FBXL12: variants seen among roughly 807,000 people sequenced by gnomAD.
FBXL12 encodes the protein F-box and leucine rich repeat protein 12.
A neutral mutation model predicts 24.9 loss-of-function variants in FBXL12; 22 were observed. The observed-to-expected ratio is 0.88, with a 90% CI of 0.63 to 1.26. FBXL12 has a LOEUF of 1.26. FBXL12 is among the 50% of genes most tolerant of loss of function. FBXL12 has a pLI of 0.00. For missense variants in FBXL12, 384 were observed against 434.1 expected (o/e 0.88, Z 1.03); for synonymous variants, 193 against 193.8 (o/e 1.00, Z 0.03).
chr19:9,813,613 T>C (rs2045811663), intron 2 of FBXL12, among the ~76,000 whole-genome samples: 1 of 152,018 alleles, frequency 6.6e-6, no homozygotes, highest in Non-Finnish European at 1.5e-5. Flanking sequence ...GCAATTCTCC[T>C]GCTTCAGCCT....
intron 2 of FBXL12, chr19:9,818,178 A>G: frequency 2.4e-6 from 1 of 418,282 alleles, no homozygotes; most frequent in Non-Finnish European, 4.2e-6. Flanking sequence ...CTCCAGCCTG[A>G]GCAGCAGAGC....
intron 2 of FBXL12, chr19:9,813,301 T>G: frequency 8.3e-7 from 1 of 1,202,342 alleles, no homozygotes; most frequent in Non-Finnish European, 1.0e-6. Flanking sequence ...AATTGTCTAA[T>G]AACATATTCT....
intron 2 of FBXL12, among the ~76,000 whole-genome samples, chr19:9,816,161 G>A (rs1470991611): frequency 6.6e-6 from 1 of 152,138 alleles, no homozygotes; most frequent in Non-Finnish European, 1.5e-5. Context: ...TTTTCCTCCT[G>A]GGCTTCCAGG....
At chr19:9,816,059 C>T (rs1468938985) in intron 2 of FBXL12, among the ~76,000 whole-genome samples, 2 of 152,144 alleles carry the variant, frequency 1.3e-5, no homozygotes, top group African/African-American at 4.8e-5. Flanking sequence ...ATACGTTGGC[C>T]CCTTTCAGCT....
At chr19:9,816,128 C>T (rs1398523525) in intron 2 of FBXL12, among the ~76,000 whole-genome samples, 1 of 152,154 alleles carries the variant, frequency 6.6e-6, no homozygotes, top group East Asian at 1.9e-4. Flanking sequence ...AGCACAGGGA[C>T]CCTGGGCCCC....
rs2145361868 is a variant in FBXL12, at chr19:9,811,009, G to A, written c.868C>T (p.Gln290Ter). 1.2e-6 allele frequency: 2 copies of A among 1,612,912 alleles called. No homozygotes were observed. Among genetic ancestry groups the A allele is most frequent in the South Asian group, 1.1e-5 (1 of 90,966 alleles). Residue 290 changes from glutamine (Q) to a stop codon, truncating the protein, a stop_gained, in exon 3 of 3, where the codon CAG (glutamine) becomes TAG (stop). Transcript: ENST00000247977. LOFTEE classifies it high-confidence loss of function. The surrounding 1 kb of genome is among the most constrained non-coding windows in gnomAD (Gnocchi z 6.0). ...TMPKLRVLEL[Q>*]GLGWEGQEAE... Reference sequence around the variant, plus strand: ...TCCTGACCCTCCCACCCCAGCCCCTGCAGCTCAAGGACTCTGAGCTTGGGC... The same window carrying A: ...TCCTGACCCTCCCACCCCAGCCCCTACAGCTCAAGGACTCTGAGCTTGGGC...
In FBXL12 at chr19:9,811,916, G is replaced by C. The variant is rs2145366177; in HGVS notation, c.160-199C>G. Among the ~76,000 whole-genome samples, 1 of 151,998 alleles carries C rather than the reference G, an allele frequency of 6.6e-6. No individual in the cohort carries two copies. The highest frequency in any genetic ancestry group is 2.1e-4 in the South Asian group (1 of 4,806). On this transcript the variant is annotated intron_variant, in intron 2 of 2. Transcript: ENST00000247977. This position sits in a 1 kb window ranked among gnomAD's most constrained non-coding sequence, Gnocchi z 6.0. ...TTTGAGTGCACCATCTTGCCTGCTA[G>C]GGCTTTGAACAAATCTTTTTTTTTT...
chr19:9,812,392 G>A (rs1011890012), intron 2 of FBXL12, among the ~76,000 whole-genome samples: 9 of 151,896 alleles, frequency 5.9e-5, no homozygotes, highest in African/African-American at 2.2e-4. Flanking sequence ...TTAGCTGGGC[G>A]TGGTGGCAAG....
At chr19:9,818,329 C>G (rs2045926998) in intron 2 of FBXL12, 1 of 589,076 alleles carries the variant, frequency 1.7e-6, no homozygotes, top group Non-Finnish European at 3.0e-6. Context: ...CCCCGTGAGG[C>G]AGGTACTGTC....
rs1231935450 is a variant in FBXL12, at chr19:9,811,603, C to A, written c.274G>T (p.Ala92Ser). 3 of 1,551,434 alleles carry A rather than the reference C, an allele frequency of 1.9e-6. No homozygotes were observed. The highest frequency in any genetic ancestry group is 2.3e-5 in the East Asian group (1 of 44,270). ...TTCTGGCCCAGGGCTCTCAACAGAGCAGGGGACAACTGGGGGGCCTGGGAG... is the reference window on the plus strand; with the variant it reads ...TTCTGGCCCAGGGCTCTCAACAGAGAAGGGGACAACTGGGGGGCCTGGGAG... ...SGSQAPQLSPALLRALGQKCP... is the reference protein window; with the variant it reads ...SGSQAPQLSPSLLRALGQKCP... The change falls in exon 3 of 3, where the codon GCT (alanine) becomes TCT (serine). Residue 92 changes from alanine to serine, a missense_variant. Transcript: ENST00000247977. This position sits in a 1 kb window ranked among gnomAD's most constrained non-coding sequence, Gnocchi z 6.0.
rs772030829 is a variant in FBXL12 at position 9,810,942 on chromosome 19, A to G, written c.935T>C (p.Val312Ala). ...CTCTTTGGGGCAAGCCCTGACGATGACCATACAGTGGGGCAGCCCCTTACA... is the reference window on the plus strand; with the variant it reads ...CTCTTTGGGGCAAGCCCTGACGATGGCCATACAGTGGGGCAGCCCCTTACA... Reference protein sequence around the residue: ...ILCKGLPHCMVIVRACPKESM... With the variant: ...ILCKGLPHCMAIVRACPKESM... The change falls in exon 3 of 3, where the codon GTC (valine) becomes GCC (alanine). Residue 312 changes from valine (V) to alanine (A), a missense_variant. Val to Ala is a moderately conservative substitution (Grantham distance 64). Coordinates refer to ENST00000247977, the MANE Select transcript of FBXL12 (RefSeq NM_017703.3). The G allele has an allele frequency of 5.9e-5, 94 of 1,603,946 alleles. No homozygotes were observed. The highest frequency in any genetic ancestry group is 7.8e-5 in the Non-Finnish European group (92 of 1,172,022).
chr19:9,817,557 C>T (rs189709562), intron 2 of FBXL12, among the ~76,000 whole-genome samples: 2 of 152,264 alleles, frequency 1.3e-5, no homozygotes, highest in Admixed American at 6.5e-5. Context: ...TATTATCAGG[C>T]CAGACACTGT....
Position 9,818,806 on chromosome 19 carries a change from G to C in FBXL12, c.8C>G (p.Thr3Ser), listed in dbSNP as rs930670699. The C allele has an allele frequency of 6.4e-7, 1 of 1,552,136 alleles. No individual in the cohort carries two copies. Among genetic ancestry groups the C allele is most frequent in the African/African-American group, 1.4e-5 (1 of 73,636 alleles). MA[T>S]LVELPDSVLL... is the part of the protein sequence containing the mutation. ...GACCGAGTCCGGCAGTTCGACCAAA[G>C]TCGCCATGATCCCGCCGACACGCAC... Residue 3 changes from threonine (T) to serine (S), a missense_variant, in exon 1 of 3, where the codon ACT (threonine) becomes AGT (serine). By Grantham distance (58) the Thr-to-Ser change is moderately conservative (BLOSUM62 1). Transcript: ENST00000247977.
chr19:9,816,151 T>G (rs1049197740), intron 2 of FBXL12, among the ~76,000 whole-genome samples: 1 of 152,094 alleles, frequency 6.6e-6, no homozygotes, highest in African/African-American at 2.4e-5. Context: ...GGAAACCACT[T>G]TTTCCTCCTG....
chr19:9,816,862 T>C (rs1263328526), intron 2 of FBXL12, among the ~76,000 whole-genome samples: 1 of 152,236 alleles, frequency 6.6e-6, no homozygotes, highest in Non-Finnish European at 1.5e-5. Context: ...AGAGGTTTAA[T>C]TGAACTTAAG....
chr19:9,813,128 G>A (rs1311032782), intron 2 of FBXL12: 4 of 678,820 alleles, frequency 5.9e-6, no homozygotes, highest in Non-Finnish European at 8.2e-6. Context: ...TCAACCCTGG[G>A]AAGTTAGACT....
At position 9,818,588 on chromosome 19, in the gene FBXL12, T is replaced by C. The variant is rs1178294307; in HGVS notation, c.116A>G (p.Asp39Gly). The C allele has an allele frequency of 1.6e-5, 25 of 1,554,586 alleles. No homozygotes were observed. The highest frequency in any genetic ancestry group is 2.0e-5 in the Non-Finnish European group (23 of 1,150,826). ...RVCHRWKRLV[D>G]DRWLWRHVDL... ...GACATGTCGCCACAGCCACCGGTCG[T>C]CCACCAGCCTCTTCCAGCGGTGACA... The change falls in exon 2 of 3, where the codon GAC becomes GGC. Residue 39 changes from aspartate (D) to glycine (G), a missense_variant. Transcript: ENST00000247977.
intron 2 of FBXL12, among the ~76,000 whole-genome samples, chr19:9,817,255 C>T (rs1475364713): frequency 6.6e-6 from 1 of 152,112 alleles, no homozygotes; most frequent in African/African-American, 2.4e-5. Flanking sequence ...ATGATTTTGC[C>T]ACTGCCTGGG....
Position 9,811,415 on chromosome 19 carries a change from T to C in FBXL12, c.462A>G (p.Glu154=), listed in dbSNP as rs766884288. ...CGGGGACGCGGTCCAGCACGATGCA[T>C]TCAAGCAGGGGCAGCACGGTGGGGT... ...QQDPTVLPLL[E]CIVLDRVPAF... The change falls in exon 3 of 3, where the codon GAA becomes GAG. Residue 154 remains glutamate, a synonymous_variant. Transcript: ENST00000247977. This position sits in a 1 kb window ranked among gnomAD's most constrained non-coding sequence, Gnocchi z 6.0. 2 of 1,613,448 alleles carry C rather than the reference T, an allele frequency of 1.2e-6. No homozygotes were observed. The highest frequency in any genetic ancestry group is 1.7e-6 in the Non-Finnish European group (2 of 1,179,974).
Sources: gnomAD v4.1 joint callset for allele counts (sites outside exome capture counted in the v4.1 genomes callset) on GRCh38, gnomAD v4.1.1 for gene constraint, Gnocchi (gnomAD v3.1) non-coding constraint, MANE v1.5 for transcripts, NCBI Gene and HGNC (gene_info 2026-07-23, HGNC 2026-07-21) for gene names.